Variants in BRIP1 observed in about 807,000 individuals in gnomAD.
The protein encoded by BRIP1 is BRCA1 interacting DNA helicase 1, also known as Fanconi anemia group J protein.
Under a neutral mutation model 119.7 loss-of-function variants are expected in BRIP1, and 88 were observed. The ratio of observed to expected loss-of-function variants is 0.74; its 90% CI spans 0.62 to 0.88. The LOEUF is 0.88. BRIP1 is among the 40% of genes least tolerant of loss of function. The pLI is 0.00. For missense variants in BRIP1, 1,259 were observed against 1,455.4 expected (o/e 0.87, Z 2.20); for synonymous variants, 443 against 496.5 (o/e 0.89, Z 1.43).
chr17:61,683,384 A>G lies in BRIP1; in HGVS notation c.3662T>C (p.Leu1221Pro), dbSNP rs778805688. ...GNVKTTWINE[L>P]ELGKTHEIEI... ...TATTTCATGAGTTTTTCCCAGTTCC[A>G]GTTCATTTATCCAAGTTGTTTTTAC... The change falls in exon 20 of 20, where the codon CTG (leucine) becomes CCG (proline). Residue 1221 changes from leucine (L) to proline (P), a missense_variant. Leu to Pro is a moderately conservative substitution (Grantham distance 98). Transcript: ENST00000259008. The surrounding 1 kb of genome is among the most constrained non-coding windows in gnomAD (Gnocchi z 4.7). 1 of 1,613,080 alleles carries G rather than the reference A, an allele frequency of 6.2e-7. No homozygotes were observed. Among genetic ancestry groups the G allele is most frequent in the East Asian group, 2.2e-5 (1 of 44,788 alleles).
chr17:61,772,173 A>ATATATATATATATATT (rs1386665424), intron 14 of BRIP1, among the ~76,000 whole-genome samples: 3 of 56,796 alleles, frequency 5.3e-5, no homozygotes, highest in African/African-American at 2.2e-4. Flanking sequence ...ATATATATAT[A>ATATATATATATATATT]TATATATATA....
intron 11 of BRIP1, chr17:61,783,964 A>G (rs2077662397): frequency 4.1e-6 from 1 of 241,824 alleles, no homozygotes; most frequent in Non-Finnish European, 8.0e-6. Flanking sequence ...CACACCTGTA[A>G]TCCCAGCTAC....
At position 61,861,875 on chromosome 17, in the gene BRIP1, A is replaced by G. The variant is rs2078979146; in HGVS notation, c.-30-306T>C. On this transcript the variant is annotated intron_variant, in intron 1 of 19. Coordinates refer to ENST00000259008, the MANE Select transcript of BRIP1 (RefSeq NM_032043.3). The surrounding 1 kb of genome is among the most constrained non-coding windows in gnomAD (Gnocchi z 4.5). ...CCCCATAGGATTGTGGTAATGATTAAGTGAAATAATGTGCAAATATGATAA... is the reference window on the plus strand; with the variant it reads ...CCCCATAGGATTGTGGTAATGATTAGGTGAAATAATGTGCAAATATGATAA... 1 of 393,816 alleles carries G rather than the reference A, an allele frequency of 2.5e-6. No individual in the cohort carries two copies. Among genetic ancestry groups the G allele is most frequent in the Non-Finnish European group, 4.8e-6 (1 of 209,626 alleles). 24.4% of individuals were successfully genotyped at this position (393,816 alleles called of 1,614,324 possible). A position where few individuals can be genotyped will look rare whatever the true frequency, so the allele number is the denominator to read the frequency against.
chr17:61,837,875 C>T (rs566196576), intron 6 of BRIP1, among the ~76,000 whole-genome samples: 7 of 151,882 alleles, frequency 4.6e-5, no homozygotes, highest in Non-Finnish European at 7.4e-5. Context: ...CACTATCTTC[C>T]GACTTGAAAA....
chr17:61,767,404 G>A lies in BRIP1; in HGVS notation c.2097+8997C>T, dbSNP rs547288214. Among the ~76,000 whole-genome samples the A allele has an allele frequency of 6.6e-6, 1 of 152,112 alleles. No homozygotes were observed. Among genetic ancestry groups the A allele is most frequent in the South Asian group, 2.1e-4 (1 of 4,814 alleles). ...CGATCCTCCCATCTCAGCCTCCTAA[G>A]TAGCTGGGACTCACAACACCACACC... On this transcript the variant is annotated intron_variant, in intron 14 of 19. Transcript: ENST00000259008. The surrounding 1 kb of genome is among the most constrained non-coding windows in gnomAD (Gnocchi z 5.7).
rs1432130493 is a variant in BRIP1, at chr17:61,834,869, CA to C, written c.627+12231del. Among the ~76,000 whole-genome samples the C allele has an allele frequency of 6.6e-6, 1 of 152,164 alleles. No individual in the cohort carries two copies. Among genetic ancestry groups the C allele is most frequent in the African/African-American group, 2.4e-5 (1 of 41,436 alleles). On this transcript the variant is annotated intron_variant, in intron 6 of 19. Transcript: ENST00000259008. This position sits in a 1 kb window ranked among gnomAD's most constrained non-coding sequence, Gnocchi z 4.4. The stretch of plus-strand genomic sequence containing the variant: ...GTTGACCACAGACACATGAGTAGGC[CA>C]CCTGAGATCAGCAGAAGAAATGCCC...
intron 6 of BRIP1, among the ~76,000 whole-genome samples, chr17:61,819,481 G>T (rs2078288799): frequency 6.6e-6 from 1 of 152,156 alleles, no homozygotes; most frequent in Non-Finnish European, 1.5e-5. Flanking sequence ...AGCAACCTAA[G>T]TGTCCATCAA....
intron 13 of BRIP1, among the ~76,000 whole-genome samples, chr17:61,779,539 G>T (rs1017776039): frequency 1.3e-5 from 2 of 152,182 alleles, no homozygotes; most frequent in African/African-American, 2.4e-5. Context: ...AGAACCGCTG[G>T]AACCCAGGAG....
chr17:61,684,267 G>T lies in BRIP1; in HGVS notation c.2906-127C>A. ...GGATACATAACTTAGAGCCCCCAAC[G>T]AATACTAGTGGATTTTCATCTTGGA... is the stretch of plus-strand genomic sequence containing the variant. On this transcript the variant is annotated intron_variant, in intron 19 of 19. Coordinates refer to ENST00000259008, the MANE Select transcript of BRIP1 (RefSeq NM_032043.3). This position sits in a 1 kb window ranked among gnomAD's most constrained non-coding sequence, Gnocchi z 4.5. 9.7e-7 allele frequency: 1 copy of T among 1,033,074 alleles called. No homozygotes were observed. The highest frequency in any genetic ancestry group is 1.4e-6 in the Non-Finnish European group (1 of 725,204). The allele number at this position is 1,033,074 out of a possible 1,614,324, so 64.0% of individuals were successfully genotyped here. A position where few individuals can be genotyped will look rare whatever the true frequency, so the allele number is the denominator to read the frequency against.
chr17:61,858,385 T>C (rs2078928049), intron 3 of BRIP1, among the ~76,000 whole-genome samples: 1 of 151,806 alleles, frequency 6.6e-6, no homozygotes, highest in African/African-American at 2.4e-5. Context: ...GTTTTTTTTT[T>C]TTTTTGAGAC....
In BRIP1 at chr17:61,706,979, T is replaced by G. The variant is rs1318037110; in HGVS notation, c.2492+8972A>C. ...GGTTGTTTTAGGAATTATCTTTGCC[T>G]CTATTCTGGATTGGAACCCTAGTTC... On this transcript the variant is annotated intron_variant, in intron 17 of 19. Transcript: ENST00000259008. This position sits in a 1 kb window ranked among gnomAD's most constrained non-coding sequence, Gnocchi z 5.7. 6.6e-6 allele frequency among the ~76,000 whole-genome samples: 1 copy of G among 152,182 alleles called. No homozygotes were observed. The highest frequency in any genetic ancestry group is 1.5e-5 in the Non-Finnish European group (1 of 68,028).
At position 61,822,972 on chromosome 17, in the gene BRIP1, G is replaced by C. The variant is rs888867480; in HGVS notation, c.628-14215C>G. Among the ~76,000 whole-genome samples the C allele has an allele frequency of 6.6e-6, 1 of 152,144 alleles. No individual in the cohort carries two copies. Among genetic ancestry groups the C allele is most frequent in the Admixed American group, 6.5e-5 (1 of 15,280 alleles). ...CACAGATCATGAAGTACCCCAGGAT[G>C]GTGACTGCTTCTCCTACTCCAGATT... On this transcript the variant is annotated intron_variant, in intron 6 of 19. Coordinates refer to ENST00000259008, the MANE Select transcript of BRIP1 (RefSeq NM_032043.3). This position sits in a 1 kb window ranked among gnomAD's most constrained non-coding sequence, Gnocchi z 4.4.
In BRIP1 at chr17:61,755,839, A is replaced by G. The variant is rs1338363734; in HGVS notation, c.2098-11248T>C. ...GAGATACTGCAAGTTACGAGAGGAA[A>G]GGATGGTCACAATTTGGAAGGTCTG... On this transcript the variant is annotated intron_variant, in intron 14 of 19. Transcript: ENST00000259008. The surrounding 1 kb of genome is among the most constrained non-coding windows in gnomAD (Gnocchi z 4.5). Among the ~76,000 whole-genome samples the G allele has an allele frequency of 4.6e-5, 7 of 152,216 alleles. No individual in the cohort carries two copies. Among genetic ancestry groups the G allele is most frequent in the African/African-American group, 1.7e-4 (7 of 41,456 alleles).
rs1200448987 is a variant in BRIP1, at chr17:61,776,957, T to C, written c.1936-395A>G. Reference sequence around the variant, plus strand: ...GGATGAAGGCCAGTATAATTTGCCATAGGCAAGTCTCAAAAATGACAGGAA... The same window carrying C: ...GGATGAAGGCCAGTATAATTTGCCACAGGCAAGTCTCAAAAATGACAGGAA... On this transcript the variant is annotated intron_variant, in intron 13 of 19. Transcript: ENST00000259008. This position sits in a 1 kb window ranked among gnomAD's most constrained non-coding sequence, Gnocchi z 5.0. Among the ~76,000 whole-genome samples the C allele has an allele frequency of 6.6e-5, 10 of 152,204 alleles. No homozygotes were observed. Among genetic ancestry groups the C allele is most frequent in the Non-Finnish European group, 7.3e-5 (5 of 68,040 alleles).
In BRIP1 at chr17:61,780,934, T is replaced by C. The variant is rs2145094607; in HGVS notation, c.1700A>G (p.Lys567Arg). The C allele has an allele frequency of 1.9e-6, 3 of 1,614,120 alleles. No homozygotes were observed. Among genetic ancestry groups the C allele is most frequent in the South Asian group, 1.1e-5 (1 of 91,082 alleles). Residue 567 changes from lysine to arginine, a missense_variant, in exon 12 of 20, where the codon AAA becomes AGA. Around this residue, in one of 3 missense-constraint regions of BRIP1, gnomAD observed 753 missense variants for 891.8 expected, o/e 0.84. Coordinates refer to ENST00000259008, the MANE Select transcript of BRIP1 (RefSeq NM_032043.3). The surrounding 1 kb of genome is among the most constrained non-coding windows in gnomAD (Gnocchi z 5.4). ...SWTNQIDISDKNGLLVLPKNK... is the reference protein window; with the variant it reads ...SWTNQIDISDRNGLLVLPKNK... ...TTTTGGTAGAACCAACAACCCATTT[T>C]TGTCTGAAATATCAATCTGATTTGT...
At chr17:61,715,337 A>T (rs561159311) in intron 17 of BRIP1, among the ~76,000 whole-genome samples, 4 of 152,282 alleles carry the variant, frequency 2.6e-5, no homozygotes, top group East Asian at 1.9e-4. Flanking sequence ...TCACATTGTT[A>T]TCTAAAGCTT....
rs942233472 is a variant in BRIP1, at chr17:61,846,053, G to T, written c.627+1048C>A. ...AAAAATTAGCCAGGCGTGGTGGCAG[G>T]CGCCTGTAGTCCCAACTACTCGGGA... is the stretch of plus-strand genomic sequence containing the variant. On this transcript the variant is annotated intron_variant, in intron 6 of 19. Transcript: ENST00000259008. The surrounding 1 kb of genome is among the most constrained non-coding windows in gnomAD (Gnocchi z 4.3). 1.3e-5 allele frequency among the ~76,000 whole-genome samples: 2 copies of T among 152,042 alleles called. No homozygotes were observed. Among genetic ancestry groups the T allele is most frequent in the East Asian group, 3.9e-4 (2 of 5,150 alleles).
intron 14 of BRIP1, among the ~76,000 whole-genome samples, chr17:61,771,521 T>C (rs2077447878): frequency 6.6e-6 from 1 of 152,184 alleles, no homozygotes; most frequent in Non-Finnish European, 1.5e-5. Context: ...CTACACTTTA[T>C]ACCCATTTGA....
rs565726218 is a variant in BRIP1 at position 61,740,012 on chromosome 17, T to C, written c.2379+3001A>G. On this transcript the variant is annotated intron_variant, in intron 16 of 19. Transcript: ENST00000259008. The surrounding 1 kb of genome is among the most constrained non-coding windows in gnomAD (Gnocchi z 5.4). ...CGCATAACCGGGCAAAATGGAGCAA[T>C]TGTTTTCAGGTAGTAGACACCAAAC... 1.3e-5 allele frequency among the ~76,000 whole-genome samples: 2 copies of C among 152,296 alleles called. No individual in the cohort carries two copies. The highest frequency in any genetic ancestry group is 6.5e-5 in the Admixed American group (1 of 15,288).
Sources: gnomAD v4.1 joint callset for allele counts (sites outside exome capture counted in the v4.1 genomes callset) on GRCh38, gnomAD v4.1.1 for gene constraint, gnomAD v4.1.1 regional missense constraint, Gnocchi (gnomAD v3.1) non-coding constraint, MANE v1.5 for transcripts, NCBI Gene and HGNC (gene_info 2026-07-23, HGNC 2026-07-21) for gene names.